KCNA3: variants seen among roughly 807,000 people sequenced by gnomAD.
KCNA3 encodes RP11-284N8.3.
KCNA3 carries 18 observed loss-of-function variants against 34.3 expected under a neutral mutation model. That is an observed-to-expected ratio of 0.52 (90% CI 0.36 to 0.78). The LOEUF (loss-of-function observed/expected upper bound fraction) is 0.78, where lower values mean the gene tolerates loss of function less well. Ranked by LOEUF, KCNA3 falls within the 30% of genes least tolerant of loss-of-function variation. The probability of loss-of-function intolerance (pLI) is 0.00; values close to 1 mark genes in which losing one functional copy is unlikely to be tolerated. For missense variants in KCNA3, 587 were observed against 802.5 expected (o/e 0.73, Z 3.24); for synonymous variants, 324 against 351.7 (o/e 0.92, Z 0.88).
the KCNA3 span, among the ~76,000 whole-genome samples, chr1:110,660,761 A>G: frequency 6.6e-6 from 1 of 152,196 alleles, no homozygotes; most frequent in Non-Finnish European, 1.5e-5. Context: ...TTAACTGCCA[A>G]AATAATTATT....
the KCNA3 span, among the ~76,000 whole-genome samples, chr1:110,663,952 T>G: frequency 1.3e-5 from 2 of 152,352 alleles, no homozygotes; most frequent in African/African-American, 4.8e-5. Flanking sequence ...ATGTCATAAT[T>G]TTAAAATGTA....
chr1:110,661,890 C>T, the KCNA3 span, among the ~76,000 whole-genome samples: 6 of 151,936 alleles, frequency 3.9e-5, no homozygotes, highest in South Asian at 6.2e-4. Context: ...GGGCGGATCA[C>T]GAGGTCAGGA....
In KCNA3 at chr1:110,673,665, T is replaced by C. The variant is rs1651970499; in HGVS notation, c.1145A>G (p.Lys382Arg). The change falls in exon 1 of 1, where the codon AAG becomes AGG. Residue 382 changes from lysine (K) to arginine (R), a missense_variant. Coordinates refer to ENST00000369769, the MANE Select transcript of KCNA3 (RefSeq NM_002232.5). The surrounding 1 kb of genome is among the most constrained non-coding windows in gnomAD (Gnocchi z 8.8). The part of the protein sequence containing the change: ...FRIFKLSRHS[K>R]GLQILGQTLK... Reference sequence around the variant, plus strand: ...CGTTTGCCCGAGGATCTGCAGCCCCTTGGAGTGGCGCGACAGCTTGAAGAT... The same window carrying C: ...CGTTTGCCCGAGGATCTGCAGCCCCCTGGAGTGGCGCGACAGCTTGAAGAT... The C allele has an allele frequency of 6.2e-7, 1 of 1,614,044 alleles. No individual in the cohort carries two copies. Among genetic ancestry groups the C allele is most frequent in the Admixed American group, 1.7e-5 (1 of 60,002 alleles).
the KCNA3 span, among the ~76,000 whole-genome samples, chr1:110,667,127 T>G: frequency 2.0e-5 from 3 of 152,142 alleles, no homozygotes; most frequent in Admixed American, 1.3e-4. Context: ...TAATTATGTT[T>G]TAATGTAAAG....
chr1:110,666,686 T>C, the KCNA3 span, among the ~76,000 whole-genome samples: 2 of 152,252 alleles, frequency 1.3e-5, no homozygotes, highest in Middle Eastern at 6.8e-3. Context: ...GAGGATGCCA[T>C]TAAGAGACCT....
At chr1:110,664,759 AAATACCT>A in the KCNA3 span, among the ~76,000 whole-genome samples, 2 of 152,218 alleles carry the variant, frequency 1.3e-5, no homozygotes, top group Non-Finnish European at 2.9e-5. Flanking sequence ...AAAATAAATA[AAATACCT>A]AATACATTAG....
the KCNA3 span, among the ~76,000 whole-genome samples, chr1:110,667,325 C>G: frequency 5.5e-4 from 83 of 152,100 alleles, no homozygotes; most frequent in Middle Eastern, 6.8e-3. Context: ...TTCCCAAGAG[C>G]CTTTGTGCTA....
chr1:110,654,233 T>G, the KCNA3 span: 1 of 152,232 alleles, frequency 6.6e-6, no homozygotes, highest in Non-Finnish European at 1.5e-5. Flanking sequence ...ATGTTAGTAA[T>G]ATTGTTATCT....
At chr1:110,657,523 G>C in the KCNA3 span, among the ~76,000 whole-genome samples, 707 of 152,146 alleles carry the variant, frequency 4.6e-3, 8 homozygotes, top group African/African-American at 0.016. Context: ...AAATATTCTG[G>C]TCTACTGTTA....
rs966263146 is a variant in KCNA3 at position 110,674,570 on chromosome 1, G to GCCGCCA, written c.234_239dup (p.Gly81_Gly82dup). ...GCGGCTCGTAGCGGTCGCAGCCGCC[G>GCCGCCA]CCGCCACAGCCGCCTTGAGGCGGGG... is the stretch of plus-strand genomic sequence containing the variant. On this transcript the variant is annotated inframe_insertion, in exon 1 of 1. Coordinates refer to ENST00000369769, the MANE Select transcript of KCNA3 (RefSeq NM_002232.5). This position sits in a 1 kb window ranked among gnomAD's most constrained non-coding sequence, Gnocchi z 6.4. 6 of 1,557,614 alleles carry GCCGCCA rather than the reference G, an allele frequency of 3.9e-6. No homozygotes were observed. The highest frequency in any genetic ancestry group is 5.2e-6 in the Non-Finnish European group (6 of 1,156,272).
At chr1:110,653,633 A>T in the KCNA3 span, 1 of 152,216 alleles carries the variant, frequency 6.6e-6, no homozygotes. Context: ...TGAGAAATTT[A>T]AAAAATCAAT....
At chr1:110,656,616 A>G in the KCNA3 span, 1 of 152,258 alleles carries the variant, frequency 6.6e-6, no homozygotes, top group Admixed American at 6.5e-5. Flanking sequence ...GCACCACAGC[A>G]CAGACACCTG....
chr1:110,657,051 T>C, the KCNA3 span: 8 of 149,412 alleles, frequency 5.4e-5, no homozygotes, highest in Non-Finnish European at 7.4e-5. Context: ...TTTTCTTTTT[T>C]TTTTTTTTTT....
chr1:110,666,276 A>G, the KCNA3 span, among the ~76,000 whole-genome samples: 1 of 152,186 alleles, frequency 6.6e-6, no homozygotes, highest in East Asian at 1.9e-4. Flanking sequence ...TAATAGGGGA[A>G]TTGAAAAAAC....
At chr1:110,661,721 T>C in the KCNA3 span, among the ~76,000 whole-genome samples, 3 of 152,086 alleles carry the variant, frequency 2.0e-5, no homozygotes, top group African/African-American at 7.2e-5. Flanking sequence ...GATTATTAAA[T>C]AAGAATGGTA....
chr1:110,664,956 G>A, the KCNA3 span, among the ~76,000 whole-genome samples: 1 of 152,146 alleles, frequency 6.6e-6, no homozygotes, highest in East Asian at 1.9e-4. Context: ...AAGACCCCAA[G>A]GTGGAGCATG....
chr1:110,674,553 T>C lies in KCNA3; in HGVS notation c.257A>G (p.Tyr86Cys). 1 of 1,580,836 alleles carries C rather than the reference T, an allele frequency of 6.3e-7. No homozygotes were observed. Among genetic ancestry groups the C allele is most frequent in the Non-Finnish European group, 8.6e-7 (1 of 1,166,594 alleles). ...GGCGGGGCDRYEPLPPSLPAA... is the reference protein window; with the variant it reads ...GGCGGGGCDRCEPLPPSLPAA... ...CGGCAGTGAGGGCGGCAGCGGCTCG[T>C]AGCGGTCGCAGCCGCCGCCGCCACA... The change falls in exon 1 of 1, where the codon TAC (tyrosine) becomes TGC (cysteine). Residue 86 changes from tyrosine (Y) to cysteine (C), a missense_variant. Physicochemically the swap from Tyr to Cys is radical, Grantham distance 194. Around this residue, in one of 7 missense-constraint regions of KCNA3, gnomAD observed 341 missense variants for 355.4 expected, o/e 0.96. Transcript: ENST00000369769. This position sits in a 1 kb window ranked among gnomAD's most constrained non-coding sequence, Gnocchi z 6.4.
At chr1:110,665,306 G>C in the KCNA3 span, among the ~76,000 whole-genome samples, 1 of 152,252 alleles carries the variant, frequency 6.6e-6, no homozygotes, top group East Asian at 1.9e-4. Flanking sequence ...AGATCAAGTG[G>C]TAGCAGTAGA....
At chr1:110,660,140 TA>T in the KCNA3 span, among the ~76,000 whole-genome samples, 1 of 152,206 alleles carries the variant, frequency 6.6e-6, no homozygotes, top group East Asian at 1.9e-4. Flanking sequence ...TGTTGCTTTT[TA>T]AAAACTGTTA....
Sources: allele counts gnomAD v4.1 joint callset (sites outside exome capture counted in the v4.1 genomes callset), GRCh38; gene constraint gnomAD v4.1.1; regional missense constraint gnomAD v4.1.1; non-coding constraint Gnocchi (gnomAD v3.1); transcripts MANE v1.5; gene names NCBI Gene and HGNC (gene_info 2026-07-23, HGNC 2026-07-21).